Variants in FLG observed in about 807,000 individuals in gnomAD.
FLG encodes epidermal filaggrin.
In FLG, 6 loss-of-function variants were observed where a neutral mutation model predicts 3.8. That is an observed-to-expected ratio of 1.60 (90% confidence interval 0.87 to 3.15). The LOEUF is 3.15. FLG is among the 30% of genes most tolerant of loss of function. The pLI is 0.00. For synonymous variants in FLG, 2,551 were observed against 1,931.6 expected, an observed-to-expected ratio of 1.32 and a Z score of -8.41; for missense variants, 7,595 against 5,050.9, an observed-to-expected ratio of 1.50 and a Z score of -15.27.
chr1:152,311,309 AC>A lies in FLG; in HGVS notation c.3576del (p.Ser1193ProfsTer253). ...EQSVDRSGHSGSHHSHTTSQG... is the reference protein window; with the variant it reads ...EQSVDRSGHSXSHHSHTTSQG... ...TGGGATGTGGTGTGGCTGTGATGGGACCCTGAGTGTCCAGATCTATCTACCG... is the reference window on the plus strand; with the variant it reads ...TGGGATGTGGTGTGGCTGTGATGGGACCTGAGTGTCCAGATCTATCTACCG... On this transcript the variant is annotated frameshift_variant, in exon 3 of 3. Coordinates refer to ENST00000368799, the MANE Select transcript of FLG (RefSeq NM_002016.2). LOFTEE classifies it low-confidence loss of function (END_TRUNC). The A allele has an allele frequency of 6.2e-7, 1 of 1,612,942 alleles. No homozygotes were observed. Among genetic ancestry groups the A allele is most frequent in the Non-Finnish European group, 8.5e-7 (1 of 1,179,800 alleles).
Position 152,314,546 on chromosome 1 carries a change from T to G in FLG, c.340A>C (p.Lys114Gln). ...HSHHDKHEDN[K>Q]QEENKENRKR... Reference sequence around the variant, plus strand: ...CTGTTTTCTTTGTTTTCTTCCTGTTTATTATCTTCATGTTTATCATGATGA... The same window carrying G: ...CTGTTTTCTTTGTTTTCTTCCTGTTGATTATCTTCATGTTTATCATGATGA... The change falls in exon 3 of 3, where the codon AAA becomes CAA. Residue 114 changes from lysine to glutamine, a missense_variant. Coordinates refer to ENST00000368799, the MANE Select transcript of FLG (RefSeq NM_002016.2). 1 of 1,613,940 alleles carries G rather than the reference T, an allele frequency of 6.2e-7. No homozygotes were observed. Among genetic ancestry groups the G allele is most frequent in the African/African-American group, 1.3e-5 (1 of 75,056 alleles).
Position 152,312,100 on chromosome 1 carries a change from C to T in FLG, c.2786G>A (p.Gly929Asp). 1 of 1,565,534 alleles carries T rather than the reference C, an allele frequency of 6.4e-7. No homozygotes were observed. Among genetic ancestry groups the T allele is most frequent in the Non-Finnish European group, 8.6e-7 (1 of 1,165,576 alleles). Residue 929 changes from glycine to aspartate, a missense_variant, in exon 3 of 3, where the codon GGC (glycine) becomes GAC (aspartate). Physicochemically the swap from Gly to Asp is moderately conservative, Grantham distance 94. Transcript: ENST00000368799. ...HADISRHSQA[G>D]QGQSEGSRTS... ...CCTGGACCCCTCTGATTGTCCCTGG[C>T]CTGCCTGTGAGTGTCTAGAGATGTC...
rs760180566 is a variant in FLG, at chr1:152,313,380, G to A, written c.1506C>T (p.Asp502=). The A allele has an allele frequency of 6.2e-7, 1 of 1,613,634 alleles. No individual in the cohort carries two copies. Among genetic ancestry groups the A allele is most frequent in the Non-Finnish European group, 8.5e-7 (1 of 1,179,856 alleles). ...CTTGGGACGCTGAATGCCTGGAGCT[G>A]TCTCGTGCCTGCTCGTGGTGCGATC... ...RQGSHHEQAR[D]SSRHSASQEG... Residue 502 remains aspartate (D), a synonymous_variant, in exon 3 of 3, where the codon GAC becomes GAT. Transcript: ENST00000368799.
In FLG at chr1:152,313,806, G is replaced by T. The variant is rs375783519; in HGVS notation, c.1080C>A (p.His360Gln). 4 of 1,614,118 alleles carry T rather than the reference G, an allele frequency of 2.5e-6. No individual in the cohort carries two copies. The highest frequency in any genetic ancestry group is 3.4e-6 in the Non-Finnish European group (4 of 1,180,016). The change falls in exon 3 of 3, where the codon CAC (histidine) becomes CAA (glutamine). Residue 360 changes from histidine (H) to glutamine (Q), a missense_variant. Physicochemically the swap from His to Gln is conservative, Grantham distance 24. Coordinates refer to ENST00000368799, the MANE Select transcript of FLG (RefSeq NM_002016.2). Reference protein sequence around the residue: ...ADSSRQSGTRHAETSSRGQTA... With the variant: ...ADSSRQSGTRQAETSSRGQTA... ...TCTGTCCACGAGAGGAAGTCTCTGC[G>T]TGACGAGTGCCTGATTGTCTGGAGC...
At position 152,311,293 on chromosome 1, in the gene FLG, G is replaced by A. The variant is rs1652403804; in HGVS notation, c.3593C>T (p.Thr1198Ile). 6.2e-7 allele frequency: 1 copy of A among 1,613,852 alleles called. No homozygotes were observed. The highest frequency in any genetic ancestry group is 8.5e-7 in the Non-Finnish European group (1 of 1,179,968). ...SGHSGSHHSH[T>I]TSQGRSDASH... Reference sequence around the variant, plus strand: ...GGCATCAGACCTTCCCTGGGATGTGGTGTGGCTGTGATGGGACCCTGAGTG... The same window carrying A: ...GGCATCAGACCTTCCCTGGGATGTGATGTGGCTGTGATGGGACCCTGAGTG... Residue 1198 changes from threonine (T) to isoleucine (I), a missense_variant, in exon 3 of 3, where the codon ACC becomes ATC. Transcript: ENST00000368799.
At position 152,303,711 on chromosome 1, in the gene FLG, T is replaced by C. The variant is rs762156900; in HGVS notation, c.11175A>G (p.Gly3725=). The change falls in exon 3 of 3, where the codon GGA becomes GGG. Residue 3725 remains glycine, a synonymous_variant. Coordinates refer to ENST00000368799, the MANE Select transcript of FLG (RefSeq NM_002016.2). ...TTCCTCCAGTACTGGGCCCAGCCCG[T>C]CCATGGGCAGACTCAGACTGTTCAT... ...STHEQSESAH[G]RAGPSTGGRQ... is the part of the protein sequence containing the mutation. The C allele has an allele frequency of 6.8e-6, 11 of 1,613,840 alleles. No individual in the cohort carries two copies. The highest frequency in any genetic ancestry group is 9.3e-6 in the Non-Finnish European group (11 of 1,179,970).
In FLG at chr1:152,305,410, C is replaced by G; in HGVS notation, c.9476G>C (p.Arg3159Thr). The G allele has an allele frequency of 6.2e-7, 1 of 1,604,306 alleles. No homozygotes were observed. The highest frequency in any genetic ancestry group is 8.5e-7 in the Non-Finnish European group (1 of 1,178,610). The change falls in exon 3 of 3, where the codon AGA becomes ACA. Residue 3159 changes from arginine to threonine, a missense_variant. Physicochemically the swap from Arg to Thr is moderately conservative, Grantham distance 71. Transcript: ENST00000368799. Reference protein sequence around the residue: ...SDASRGQSGSRSASRTTRNEE... With the variant: ...SDASRGQSGSTSASRTTRNEE... ...ATTACGTGTTGTTCTGCTTGCACTT[C>G]TGGATCCTGACTGCCCACGGGAGGC...
intron 1 of FLG, among the ~76,000 whole-genome samples, chr1:152,316,630 G>T (rs1652798494): frequency 6.6e-6 from 1 of 151,956 alleles, no homozygotes; most frequent in East Asian, 1.9e-4. Context: ...TAAAGTTTAT[G>T]ATTATTTTCA....
chr1:152,310,856 A>T lies in FLG; in HGVS notation c.4030T>A (p.Ser1344Thr), dbSNP rs543741906. The T allele has an allele frequency of 5.0e-6, 8 of 1,613,532 alleles. No homozygotes were observed. In the South Asian group the frequency reaches 8.8e-5, roughly 18 times the overall value. ...TESSSHGQAV[S>T]SHEQARSSPG... ...CTTGATCTTGCCTGTTCATGGGATG[A>T]CACAGCCTGTCCATGAGAGGAAGAC... is the stretch of plus-strand genomic sequence containing the variant. Residue 1344 changes from serine (S) to threonine (T), a missense_variant, in exon 3 of 3, where the codon TCA becomes ACA. By Grantham distance (58) the Ser-to-Thr change is moderately conservative. Coordinates refer to ENST00000368799, the MANE Select transcript of FLG (RefSeq NM_002016.2).
At chr1:152,323,377 G>A (rs1653042164) in intron 1 of FLG, among the ~76,000 whole-genome samples, 1 of 151,562 alleles carries the variant, frequency 6.6e-6, no homozygotes, top group African/African-American at 2.4e-5. Flanking sequence ...CACAGTGGGA[G>A]GATATACAAA....
At position 152,313,014 on chromosome 1, in the gene FLG, G is replaced by T; in HGVS notation, c.1872C>A (p.Asp624Glu). Residue 624 changes from aspartate (D) to glutamate (E), a missense_variant, in exon 3 of 3, where the codon GAC (aspartate) becomes GAA (glutamate). By Grantham distance (45) the Asp-to-Glu change is conservative (BLOSUM62 2). Transcript: ENST00000368799. ...CTTCTGAGTGTCCCTGACTGTCACT[G>T]TCCTGGCTAACACTGGATCCCTGGT... is the stretch of plus-strand genomic sequence containing the variant. Reference protein sequence around the residue: ...SRNQGSSVSQDSDSQGHSEDS... With the variant: ...SRNQGSSVSQESDSQGHSEDS... The T allele has an allele frequency of 6.2e-7, 1 of 1,614,016 alleles. No individual in the cohort carries two copies.
rs777689005 is a variant in FLG, at chr1:152,309,076, G to C, written c.5810C>G (p.Ser1937Cys). Reference sequence around the variant, plus strand: ...AGATCCAAGATGGTTTCTGGAAGCAGACCCAGACCACCTCTCAGAGTCTTC... The same window carrying C: ...AGATCCAAGATGGTTTCTGGAAGCACACCCAGACCACCTCTCAGAGTCTTC... ...HSEDSERWSGSASRNHLGSAW... is the reference protein window; with the variant it reads ...HSEDSERWSGCASRNHLGSAW... Residue 1937 changes from serine (S) to cysteine (C), a missense_variant, in exon 3 of 3, where the codon TCT becomes TGT. Physicochemically the swap from Ser to Cys is moderately radical, Grantham distance 112 (BLOSUM62 -1). Coordinates refer to ENST00000368799, the MANE Select transcript of FLG (RefSeq NM_002016.2). 2 of 1,614,148 alleles carry C rather than the reference G, an allele frequency of 1.2e-6. No homozygotes were observed. Among genetic ancestry groups the C allele is most frequent in the Non-Finnish European group, 8.5e-7 (1 of 1,180,004 alleles).
In FLG at chr1:152,303,657, T is replaced by C; in HGVS notation, c.11229A>G (p.Arg3743=). 1 of 1,614,006 alleles carries C rather than the reference T, an allele frequency of 6.2e-7. No individual in the cohort carries two copies. Among genetic ancestry groups the C allele is most frequent in the Non-Finnish European group, 8.5e-7 (1 of 1,179,970 alleles). The change falls in exon 3 of 3, where the codon CGA becomes CGG. Residue 3743 remains arginine (R), a synonymous_variant. Coordinates refer to ENST00000368799, the MANE Select transcript of FLG (RefSeq NM_002016.2). ...GRQGSRHEQA[R]DSSRHSASQE... ...GGGACGCTGAGTGCCTGGAGCTGTC[T>C]CGTGCCTGCTCGTGGCGGGATCCTT... is the stretch of plus-strand genomic sequence containing the variant.
rs142991475 is a variant in FLG, at chr1:152,313,823, G to A, written c.1063C>T (p.Gln355Ter). 8.7e-5 allele frequency: 141 copies of A among 1,614,124 alleles called. No homozygotes were observed. The highest frequency in any genetic ancestry group is 1.1e-4 in the Non-Finnish European group (133 of 1,180,018). Residue 355 changes from glutamine to a stop codon, truncating the protein, a stop_gained, in exon 3 of 3, where the codon CAA (glutamine) becomes TAA (stop). Transcript: ENST00000368799. LOFTEE classifies it low-confidence loss of function (END_TRUNC). ...GTCTCTGCGTGACGAGTGCCTGATT[G>A]TCTGGAGCTGTCTGCAGAGTGCCCA... ...SHGHSADSSR[Q>*]SGTRHAETSS...
At position 152,303,422 on chromosome 1, in the gene FLG, C is replaced by T. The variant is rs199565469; in HGVS notation, c.11464G>A (p.Gly3822Ser). 34 of 1,613,182 alleles carry T rather than the reference C, an allele frequency of 2.1e-5. No individual in the cohort carries two copies. Among genetic ancestry groups the T allele is most frequent in the South Asian group, 5.5e-5 (5 of 91,024 alleles). Residue 3822 changes from glycine (G) to serine (S), a missense_variant, in exon 3 of 3, where the codon GGC becomes AGC. Transcript: ENST00000368799. ...TGACGCGACCCTGAGTGCCTGGAGCCGTCTCCTGACTGTTCCTCATTACGT... is the reference window on the plus strand; with the variant it reads ...TGACGCGACCCTGAGTGCCTGGAGCTGTCTCCTGACTGTTCCTCATTACGT... ...ETRNEEQSGD[G>S]SRHSGSRHHE... is the part of the protein sequence containing the mutation.
At chr1:152,316,550 C>T (rs1652795960) in intron 1 of FLG, among the ~76,000 whole-genome samples, 1 of 151,770 alleles carries the variant, frequency 6.6e-6, no homozygotes, top group Non-Finnish European at 1.5e-5. Flanking sequence ...CCATATCTTG[C>T]CAGTTAAAAT....
At position 152,310,633 on chromosome 1, in the gene FLG, G is replaced by A. The variant is rs1415090178; in HGVS notation, c.4253C>T (p.Pro1418Leu). Reference protein sequence around the residue: ...QSVSAHGQAGPHQQSHKESAR... With the variant: ...QSVSAHGQAGLHQQSHKESAR... ...GGACTCTTTGTGGCTCTGCTGATGG[G>A]GCCCAGCTTGTCCGTGGGCTGACAC... The change falls in exon 3 of 3, where the codon CCC becomes CTC. Residue 1418 changes from proline to leucine, a missense_variant. Coordinates refer to ENST00000368799, the MANE Select transcript of FLG (RefSeq NM_002016.2). 20 of 1,613,896 alleles carry A rather than the reference G, an allele frequency of 1.2e-5. No homozygotes were observed. The highest frequency in any genetic ancestry group is 1.6e-5 in the Non-Finnish European group (19 of 1,179,984).
In FLG at chr1:152,307,515, C is replaced by A. The variant is rs112771575; in HGVS notation, c.7371G>T (p.Glu2457Asp). The A allele has an allele frequency of 3.3e-5, 54 of 1,612,962 alleles. No individual in the cohort carries two copies. The highest frequency in any genetic ancestry group is 4.4e-5 in the South Asian group (4 of 91,014). ...RDSSRHSTSQ[E>D]GQDTIHGHPG... ...GGTGTCCATGAATGGTGTCCTGACC[C>A]TCTTGGGACGTTGAGTGCCTGGAGC... The change falls in exon 3 of 3, where the codon GAG (glutamate) becomes GAT (aspartate). Residue 2457 changes from glutamate to aspartate, a missense_variant. Coordinates refer to ENST00000368799, the MANE Select transcript of FLG (RefSeq NM_002016.2).
chr1:152,303,528 G>T lies in FLG; in HGVS notation c.11358C>A (p.Ser3786=), dbSNP rs373923760. The change falls in exon 3 of 3, where the codon TCC becomes TCA. Residue 3786 remains serine, a synonymous_variant. Coordinates refer to ENST00000368799, the MANE Select transcript of FLG (RefSeq NM_002016.2). ...QSVDRSGHSG[S]HHSHTTSQGR... ...CCTGGGATGTGGTGTGGCTGTGATG[G>T]GACCCTGAGTGTCCAGACCTATCTA... 1.2e-6 allele frequency: 2 copies of T among 1,614,028 alleles called. No individual in the cohort carries two copies. Among genetic ancestry groups the T allele is most frequent in the South Asian group, 2.2e-5 (2 of 91,068 alleles).
Sources: allele counts gnomAD v4.1 joint callset (sites outside exome capture counted in the v4.1 genomes callset), GRCh38; gene constraint gnomAD v4.1.1; transcripts MANE v1.5; gene names NCBI Gene and HGNC (gene_info 2026-07-23, HGNC 2026-07-21).